Variants in USH2A observed in about 807,000 individuals in gnomAD.
USH2A encodes usherin.
Under a neutral mutation model 538.9 loss-of-function variants are expected in USH2A, and 443 were observed. The ratio of observed to expected loss-of-function variants is 0.82; its 90% CI spans 0.76 to 0.89. The LOEUF is 0.89. USH2A is among the 40% of genes least tolerant of loss of function. USH2A has a pLI of 0.00. For missense variants in USH2A, 6,633 were observed against 6,324.8 expected, an observed-to-expected ratio of 1.05 and a Z score of -1.65; for synonymous variants, 2,413 against 2,273.5, an observed-to-expected ratio of 1.06 and a Z score of -1.75.
chr1:216,317,684 A>C (rs188917173), intron 9 of USH2A, among the ~76,000 whole-genome samples: 1,715 of 144,000 alleles, frequency 0.012, 26 homozygotes, highest in East Asian at 0.038. Flanking sequence ...CCATCTCTAC[A>C]AAAAAAAAAA....
chr1:216,188,251 G>A (rs2034647052), intron 20 of USH2A, among the ~76,000 whole-genome samples: 1 of 151,836 alleles, frequency 6.6e-6, no homozygotes, highest in African/African-American at 2.4e-5. Context: ...TACCACTAAT[G>A]CATAGGGCAG....
At chr1:216,350,362 A>T (rs1309513780) in intron 4 of USH2A, among the ~76,000 whole-genome samples, 1 of 152,084 alleles carries the variant, frequency 6.6e-6, no homozygotes, top group Admixed American at 6.6e-5. Flanking sequence ...CAAAGTCTTA[A>T]CTCATTCCAG....
At chr1:215,752,237 C>T (rs979165440) in intron 58 of USH2A, among the ~76,000 whole-genome samples, 6 of 152,090 alleles carry the variant, frequency 3.9e-5, no homozygotes, top group East Asian at 1.9e-4. Flanking sequence ...ATTGTGGAGG[C>T]TCGCTCACCA....
Position 216,107,912 on chromosome 1 carries a change from A to T in USH2A, c.4628-10699T>A, listed in dbSNP as rs181595080. Among the ~76,000 whole-genome samples the T allele has an allele frequency of 3.6e-3, 550 of 151,930 alleles. 2 individuals are homozygous for T. The highest frequency in any genetic ancestry group is 0.012 in the African/African-American group (487 of 41,556). On this transcript the variant is annotated intron_variant, in intron 21 of 71. Coordinates refer to ENST00000307340, the MANE Select transcript of USH2A (RefSeq NM_206933.4). The stretch of plus-strand genomic sequence containing the variant: ...TCACATATAAGATCCTTACAGCAAC[A>T]TACTTCCATTTACCATTGTCCAATT...
chr1:215,647,018 A>G (rs1656876489), intron 67 of USH2A, among the ~76,000 whole-genome samples: 2 of 152,236 alleles, frequency 1.3e-5, no homozygotes, highest in African/African-American at 4.8e-5. Context: ...TGCATTTCTC[A>G]GAACATATTT....
chr1:215,966,018 G>A (rs1344494775), intron 36 of USH2A, among the ~76,000 whole-genome samples: 1 of 151,276 alleles, frequency 6.6e-6, no homozygotes, highest in East Asian at 1.9e-4. Context: ...ATTTTTATGA[G>A]CTATGTTGCT....
chr1:215,762,412 A>G (rs1661005439), intron 56 of USH2A, among the ~76,000 whole-genome samples: 1 of 152,208 alleles, frequency 6.6e-6, no homozygotes, highest in Non-Finnish European at 1.5e-5. Flanking sequence ...AGGAGCTAAT[A>G]AAATAAAATG....
At chr1:215,864,182 T>C (rs1039136867) in intron 44 of USH2A, among the ~76,000 whole-genome samples, 2 of 152,162 alleles carry the variant, frequency 1.3e-5, no homozygotes, top group Admixed American at 1.3e-4. Flanking sequence ...TGTTAAAGTG[T>C]TAATGACTGT....
At chr1:216,322,183 T>C (rs1365681772) in intron 8 of USH2A, among the ~76,000 whole-genome samples, 1 of 152,176 alleles carries the variant, frequency 6.6e-6, no homozygotes, top group African/African-American at 2.4e-5. Context: ...GTCACCAATA[T>C]CCAAACCCGT....
At position 215,743,416 on chromosome 1, in the gene USH2A, G is replaced by GTGTGTGTGTATA. The variant is rs1491186893; in HGVS notation, c.11390-82_11390-81insTATACACACACA. 11 of 238,562 alleles carry GTGTGTGTGTATA rather than the reference G, an allele frequency of 4.6e-5. 1 individual carries two copies. Among genetic ancestry groups the GTGTGTGTGTATA allele is most frequent in the African/African-American group, 2.5e-4 (8 of 31,460 alleles). The allele number at this position is 238,562 out of a possible 1,614,324, so 14.8% of individuals were successfully genotyped here. A position where few individuals can be genotyped will look rare whatever the true frequency, so the allele number is the denominator to read the frequency against. On this transcript the variant is annotated intron_variant, in intron 58 of 71. Transcript: ENST00000307340. ...TGTGTGTGTGTGTGTGTGTGTGTGTGTATATATATATAGACACACATATAT... is the reference window on the plus strand; with the variant it reads ...TGTGTGTGTGTGTGTGTGTGTGTGTGTGTGTGTGTATATATATATATATAGACACACATATAT...
intron 35 of USH2A, among the ~76,000 whole-genome samples, chr1:215,990,508 T>G (rs2102474313): frequency 6.6e-6 from 1 of 152,288 alleles, no homozygotes; most frequent in South Asian, 2.1e-4. Context: ...AATTAATGAT[T>G]TATGGTCCTT....
intron 18 of USH2A, among the ~76,000 whole-genome samples, chr1:216,197,774 G>A (rs1157069832): frequency 1.3e-5 from 2 of 152,092 alleles, no homozygotes; most frequent in South Asian, 4.1e-4. Context: ...AGAAAATTTA[G>A]ATATGTTGTC....
intron 41 of USH2A, among the ~76,000 whole-genome samples, chr1:215,887,839 G>T (rs1029394864): frequency 8.5e-5 from 13 of 152,108 alleles, no homozygotes; most frequent in African/African-American, 2.9e-4. Flanking sequence ...CACAAAAGAG[G>T]CTTCTAAGCT....
chr1:216,375,185 C>T (rs1461537482), intron 3 of USH2A, among the ~76,000 whole-genome samples: 2 of 152,106 alleles, frequency 1.3e-5, no homozygotes, highest in Non-Finnish European at 2.9e-5. Context: ...CTGCATTAGC[C>T]CCTAACAAGA....
At chr1:215,953,472 C>T (rs1666981909) in intron 37 of USH2A, among the ~76,000 whole-genome samples, 1 of 152,076 alleles carries the variant, frequency 6.6e-6, no homozygotes, top group African/African-American at 2.4e-5. Flanking sequence ...GAAAGGATTC[C>T]CTATTTAATA....
chr1:216,295,882 T>A (rs2037094888), intron 9 of USH2A, among the ~76,000 whole-genome samples: 1 of 151,760 alleles, frequency 6.6e-6, no homozygotes, highest in African/African-American at 2.4e-5. Flanking sequence ...GAATAAATAG[T>A]AACACATATT....
chr1:215,714,572 T>C lies in USH2A; in HGVS notation c.12066+13458A>G, dbSNP rs760069580. 1.6e-4 allele frequency among the ~76,000 whole-genome samples: 24 copies of C among 152,226 alleles called. 1 individual carries two copies. The highest frequency in any genetic ancestry group is 2.5e-4 in the Non-Finnish European group (17 of 68,038). ...TTTTTTCCCTCTCTTTTTTCTTTTT[T>C]AGTTTAAAGGGCAATTTATATCCTG... On this transcript the variant is annotated intron_variant, in intron 61 of 71. Transcript: ENST00000307340.
chr1:216,414,196 T>G (rs1237907550), intron 3 of USH2A, among the ~76,000 whole-genome samples: 1 of 152,060 alleles, frequency 6.6e-6, no homozygotes, highest in Non-Finnish European at 1.5e-5. Context: ...TTTTTTCTAG[T>G]TTTAGTATAA....
rs558655868 is a variant in USH2A, at chr1:216,009,910, G to A, written c.6326-9348C>T. ...TTTTCTTTATCCCAAATCAGATAGC[G>A]TTTAGGCTGTTTTTCATCAAATATA... On this transcript the variant is annotated intron_variant, in intron 32 of 71. Coordinates refer to ENST00000307340, the MANE Select transcript of USH2A (RefSeq NM_206933.4). Among the ~76,000 whole-genome samples, 42 of 152,224 alleles carry A rather than the reference G, an allele frequency of 2.8e-4. 1 individual carries two copies. Among genetic ancestry groups the A allele is most frequent in the Non-Finnish European group, 1.5e-4 (10 of 68,008 alleles).
Sources: gnomAD v4.1 joint callset for allele counts (sites outside exome capture counted in the v4.1 genomes callset) on GRCh38, gnomAD v4.1.1 for gene constraint, MANE v1.5 for transcripts, NCBI Gene and HGNC (gene_info 2026-07-23, HGNC 2026-07-21) for gene names.